The following NCAM2 variants were observed in gnomAD, a reference collection of about 807,000 sequenced individuals.
The protein encoded by NCAM2 is N-CAM-2.
NCAM2 carries 30 observed loss-of-function variants against 98.1 expected under a neutral mutation model. That is an observed-to-expected ratio of 0.31 (90% confidence interval 0.23 to 0.41). The LOEUF is 0.41. Ranked by LOEUF, NCAM2 falls within the 10% of genes least tolerant of loss-of-function variation. The pLI is 1.00. For missense variants in NCAM2, 867 were observed against 1,005.8 expected (o/e 0.86, Z 1.87); for synonymous variants, 368 against 342.4 (o/e 1.07, Z -0.83).
At chr21:21,185,738 T>G (rs1001812614) in intron 1 of NCAM2, among the ~76,000 whole-genome samples, 1 of 152,130 alleles carries the variant, frequency 6.6e-6, no homozygotes, top group African/African-American at 2.4e-5. Context: ...CAATCAGTAT[T>G]AAAGTGGTGA....
chr21:21,308,081 A>G (rs1568915635), intron 5 of NCAM2, among the ~76,000 whole-genome samples: 1 of 151,678 alleles, frequency 6.6e-6, no homozygotes, highest in Non-Finnish European at 1.5e-5. Flanking sequence ...ACACACACAC[A>G]CACACGTACA....
intron 1 of NCAM2, among the ~76,000 whole-genome samples, chr21:21,011,468 A>G (rs572104650): frequency 9.7e-4 from 148 of 152,184 alleles, no homozygotes; most frequent in African/African-American, 3.5e-3. Flanking sequence ...ACCCAGCTGT[A>G]TAATACATAT....
chr21:21,243,193 A>T (rs1390218480), intron 1 of NCAM2, among the ~76,000 whole-genome samples: 1 of 152,218 alleles, frequency 6.6e-6, no homozygotes, highest in Non-Finnish European at 1.5e-5. Context: ...CATGAAACTC[A>T]GAGGTTTCAG....
At chr21:21,134,443 G>T (rs560015630) in intron 1 of NCAM2, among the ~76,000 whole-genome samples, 1 of 152,108 alleles carries the variant, frequency 6.6e-6, no homozygotes, top group African/African-American at 2.4e-5. Flanking sequence ...GGCCTTCATG[G>T]GTTCTGGGTG....
intron 9 of NCAM2, among the ~76,000 whole-genome samples, chr21:21,394,469 C>CTTTTGTTTTTTTTTTTTTTTTTTT (rs2076453388): frequency 1.7e-5 from 1 of 57,632 alleles, no homozygotes; most frequent in Non-Finnish European, 3.0e-5. Flanking sequence ...AAGGGGCCAG[C>CTTTTGTTTTTTTTTTTTTTTTTTT]TTTTTTTTTT....
intron 14 of NCAM2, among the ~76,000 whole-genome samples, chr21:21,471,273 G>GTCTCT (rs1002346009): frequency 6.6e-6 from 1 of 151,770 alleles, no homozygotes; most frequent in Non-Finnish European, 1.5e-5. Flanking sequence ...TTTTGTTGTT[G>GTCTCT]TCTCTTCTCT....
At chr21:21,223,379 T>C (rs961705153) in intron 1 of NCAM2, 1 of 152,176 alleles carries the variant, frequency 6.6e-6, no homozygotes, top group South Asian at 2.1e-4. Context: ...GTCAATACTC[T>C]GCTTTAAAAC....
At chr21:21,295,798 A>AC (rs2073455529) in intron 5 of NCAM2, among the ~76,000 whole-genome samples, 2 of 151,076 alleles carry the variant, frequency 1.3e-5, no homozygotes, top group South Asian at 2.1e-4. Flanking sequence ...ACACACACAC[A>AC]AAAACAGACA....
intron 1 of NCAM2, among the ~76,000 whole-genome samples, chr21:21,077,708 A>C (rs991277297): frequency 6.6e-6 from 1 of 152,182 alleles, no homozygotes; most frequent in Non-Finnish European, 1.5e-5. Context: ...GATGAATTTG[A>C]AATGAACTTT....
At chr21:21,016,631 G>C (rs1243648590) in intron 1 of NCAM2, among the ~76,000 whole-genome samples, 2 of 152,078 alleles carry the variant, frequency 1.3e-5, no homozygotes, top group African/African-American at 4.8e-5. Context: ...AGAATGATAA[G>C]GTAAGGCTAT....
chr21:21,162,833 C>G (rs1387761945), intron 1 of NCAM2, among the ~76,000 whole-genome samples: 2 of 152,092 alleles, frequency 1.3e-5, no homozygotes, highest in African/African-American at 4.8e-5. Context: ...AACATCAGCA[C>G]TGATCCGAAA....
In NCAM2 at chr21:21,327,265, G is replaced by A. The variant is rs561304412; in HGVS notation, c.737+2765G>A. Among the ~76,000 whole-genome samples, 9 of 125,222 alleles carry A rather than the reference G, an allele frequency of 7.2e-5. No homozygotes were observed. In the East Asian group the frequency reaches 1.8e-3, roughly 25 times the overall value. 82.2% of individuals were successfully genotyped at this position (125,222 alleles called of 152,430 possible). A position where few individuals can be genotyped will look rare whatever the true frequency, so the allele number is the denominator to read the frequency against. Reference sequence around the variant, plus strand: ...GGAGGTTGCAGTGAGCTGAGTTCGCGCCACTACACTCCAGCCAGGCAACAG... The same window carrying A: ...GGAGGTTGCAGTGAGCTGAGTTCGCACCACTACACTCCAGCCAGGCAACAG... On this transcript the variant is annotated intron_variant, in intron 6 of 17. Transcript: ENST00000400546.
In NCAM2 at chr21:21,175,002, C is replaced by T. The variant is rs554394437; in HGVS notation, c.56-105576C>T. Reference sequence around the variant, plus strand: ...GCGTAATGGATAATTATTTCTAGAACATAGTGAAAAATTATATAGATCCTT... The same window carrying T: ...GCGTAATGGATAATTATTTCTAGAATATAGTGAAAAATTATATAGATCCTT... On this transcript the variant is annotated intron_variant, in intron 1 of 17. Transcript: ENST00000400546. Among the ~76,000 whole-genome samples, 18 of 151,894 alleles carry T rather than the reference C, an allele frequency of 1.2e-4. No homozygotes were observed. The South Asian group carries it at 3.7e-3, about 32-fold the overall frequency.
intron 1 of NCAM2, among the ~76,000 whole-genome samples, chr21:21,155,961 A>G (rs1689512999): frequency 6.6e-6 from 1 of 152,046 alleles, no homozygotes; most frequent in Non-Finnish European, 1.5e-5. Context: ...TGGAACCACT[A>G]TCATACCCCT....
intron 17 of NCAM2, 64 bp downstream of exon 17, chr21:21,534,720 A>T: frequency 2.3e-6 from 3 of 1,291,676 alleles, no homozygotes; most frequent in East Asian, 2.8e-5. Flanking sequence ...ACACATTATT[A>T]TTGTTGTATT....
intron 16 of NCAM2, among the ~76,000 whole-genome samples, chr21:21,523,133 C>A (rs977964595): frequency 6.6e-6 from 1 of 152,094 alleles, no homozygotes; most frequent in Admixed American, 6.6e-5. Context: ...TCCTATTCTG[C>A]AAGTTGTCTC....
At chr21:21,282,114 T>C (rs528315533) in intron 2 of NCAM2, among the ~76,000 whole-genome samples, 67 of 151,948 alleles carry the variant, frequency 4.4e-4, no homozygotes, top group African/African-American at 1.6e-3. Context: ...CAGCAGAAAT[T>C]TGACACAAGC....
chr21:21,516,103 A>G (rs1332120437), intron 16 of NCAM2, among the ~76,000 whole-genome samples: 3 of 152,126 alleles, frequency 2.0e-5, no homozygotes, highest in Non-Finnish European at 4.4e-5. Flanking sequence ...GTTTTAGAAA[A>G]CAAAAGGAAC....
chr21:21,245,259 C>G (rs528620390), intron 1 of NCAM2, among the ~76,000 whole-genome samples: 30 of 152,306 alleles, frequency 2.0e-4, no homozygotes, highest in Admixed American at 1.8e-3. Flanking sequence ...GTATGCTACA[C>G]TCGCCATTTC....
Sources: allele counts gnomAD v4.1 joint callset (sites outside exome capture counted in the v4.1 genomes callset), GRCh38; gene constraint gnomAD v4.1.1; transcripts MANE v1.5; gene names NCBI Gene and HGNC (gene_info 2026-07-23, HGNC 2026-07-21).